The following KLRG1 variants were observed in gnomAD, a reference collection of about 807,000 sequenced individuals.
KLRG1 encodes the protein killer cell lectin like receptor G1.
KLRG1 carries 16 observed loss-of-function variants against 21.8 expected under a neutral mutation model. The ratio of observed to expected loss-of-function variants is 0.73; its 90% CI spans 0.50 to 1.11. KLRG1 has a LOEUF of 1.11. Ranked by LOEUF, KLRG1 falls within the 50% of genes most tolerant of loss-of-function variation. The pLI is 0.00. For synonymous variants in KLRG1, 69 were observed against 75.9 expected, an observed-to-expected ratio of 0.91 and a Z score of 0.47; for missense variants, 173 against 218.3, an observed-to-expected ratio of 0.79 and a Z score of 1.31.
chr12:9,070,609 T>C, the KLRG1 span: 1 of 1,471,552 alleles, frequency 6.8e-7, no homozygotes, highest in Non-Finnish European at 9.4e-7. Flanking sequence ...AGGATTAGGG[T>C]TTTCTGTGTT....
chr12:9,065,430 C>A, the KLRG1 span, among the ~76,000 whole-genome samples: 1 of 152,178 alleles, frequency 6.6e-6, no homozygotes, highest in Non-Finnish European at 1.5e-5. Context: ...CCACTCTGAA[C>A]TCAGAGCAAG....
chr12:9,093,826 C>G, the KLRG1 span, among the ~76,000 whole-genome samples: 1 of 146,744 alleles, frequency 6.8e-6, no homozygotes, highest in African/African-American at 2.7e-5. Flanking sequence ...TTTGAGAGGC[C>G]GAGGCCGAGA....
chr12:9,015,514 C>T (rs1947687738), downstream of KLRG1, among the ~76,000 whole-genome samples: 1 of 151,970 alleles, frequency 6.6e-6, no homozygotes, highest in South Asian at 2.1e-4. Flanking sequence ...ATATATAAAG[C>T]AAATATCAGA....
chr12:8,952,815 C>T (rs1020400084), intron 1 of KLRG1, among the ~76,000 whole-genome samples: 1 of 152,148 alleles, frequency 6.6e-6, no homozygotes, highest in African/African-American at 2.4e-5. Flanking sequence ...AATTTTATCA[C>T]GTTTCAATAG....
chr12:9,003,461 T>A (rs1947365720), intron 3 of KLRG1, among the ~76,000 whole-genome samples: 1 of 152,136 alleles, frequency 6.6e-6, no homozygotes, highest in Non-Finnish European at 1.5e-5. Context: ...TCACACCAAT[T>A]TTGTGAAAAT....
At chr12:8,976,095 T>C (rs1271304989) in intron 1 of KLRG1, among the ~76,000 whole-genome samples, 2 of 152,156 alleles carry the variant, frequency 1.3e-5, no homozygotes, top group East Asian at 1.9e-4. Context: ...TGAATGTAGA[T>C]GTTTATTGCT....
chr12:9,186,199 A>G, the KLRG1 span, among the ~76,000 whole-genome samples: 1 of 152,192 alleles, frequency 6.6e-6, no homozygotes, highest in Non-Finnish European at 1.5e-5. Flanking sequence ...CTTCTCAGAC[A>G]AGGAAATGCT....
chr12:9,104,355 T>C, the KLRG1 span: 1 of 1,604,890 alleles, frequency 6.2e-7, no homozygotes, highest in Non-Finnish European at 8.5e-7. Flanking sequence ...CTGATGAATA[T>C]GACTTTATTT....
the KLRG1 span, among the ~76,000 whole-genome samples, chr12:9,085,069 T>A: frequency 6.6e-6 from 1 of 152,120 alleles, no homozygotes; most frequent in Non-Finnish European, 1.5e-5. Context: ...TATGTTGCAA[T>A]GCAGTAATAT....
the KLRG1 span, among the ~76,000 whole-genome samples, chr12:9,017,076 C>G: frequency 2.6e-5 from 4 of 151,534 alleles, no homozygotes; most frequent in African/African-American, 9.7e-5. Context: ...CCAGCCTGAC[C>G]AACATGGCGA....
At chr12:9,073,965 G>A in the KLRG1 span, among the ~76,000 whole-genome samples, 2 of 151,902 alleles carry the variant, frequency 1.3e-5, no homozygotes, top group African/African-American at 4.8e-5. Flanking sequence ...GCACATGACT[G>A]TAATCCTAGA....
chr12:9,109,325 C>T, the KLRG1 span: 1 of 1,610,668 alleles, frequency 6.2e-7, no homozygotes, highest in Non-Finnish European at 8.5e-7. Flanking sequence ...ACTCACAGGC[C>T]ACACACTGAT....
chr12:9,095,443 C>T, the KLRG1 span: 1 of 1,221,038 alleles, frequency 8.2e-7, no homozygotes, highest in Non-Finnish European at 1.2e-6. Flanking sequence ...CCATTACCCT[C>T]AACTAGGACA....
the KLRG1 span, among the ~76,000 whole-genome samples, chr12:9,156,569 C>G: frequency 1.4e-4 from 21 of 152,282 alleles, no homozygotes. Flanking sequence ...TCTTTTCATT[C>G]AAGTAAGTAG....
At chr12:8,968,167 G>T (rs1946509410) in intron 1 of KLRG1, among the ~76,000 whole-genome samples, 1 of 151,898 alleles carries the variant, frequency 6.6e-6, no homozygotes, top group Non-Finnish European at 1.5e-5. Context: ...TTATCTAAAT[G>T]GCCAAAATTC....
chr12:9,205,819 G>A, the KLRG1 span, among the ~76,000 whole-genome samples: 4 of 152,110 alleles, frequency 2.6e-5, no homozygotes, highest in African/African-American at 9.7e-5. Flanking sequence ...AAAATTAATA[G>A]GTGTGAGACT....
chr12:9,188,019 T>TA, the KLRG1 span, among the ~76,000 whole-genome samples: 4 of 152,282 alleles, frequency 2.6e-5, no homozygotes, highest in African/African-American at 7.2e-5. Flanking sequence ...GGGACTCACA[T>TA]AAAAAATAGT....
chr12:9,186,023 G>A, the KLRG1 span, among the ~76,000 whole-genome samples: 6 of 151,828 alleles, frequency 4.0e-5, no homozygotes, highest in Admixed American at 3.3e-4. Context: ...GGCCAGGATG[G>A]TCTCGATCTC....
chr12:9,115,956 TG>T, the KLRG1 span: 31 of 897,064 alleles, frequency 3.5e-5, 1 homozygote, highest in South Asian at 3.9e-4. Flanking sequence ...TATGCTGCTC[TG>T]TGTGCAAACA....
Sources: allele counts gnomAD v4.1 joint callset (sites outside exome capture counted in the v4.1 genomes callset), GRCh38; gene constraint gnomAD v4.1.1; transcripts MANE v1.5; gene names NCBI Gene and HGNC (gene_info 2026-07-23, HGNC 2026-07-21).